CPAP: variants seen among roughly 807,000 people sequenced by gnomAD.
The protein encoded by CPAP is centrosome assembly and centriole elongation protein, also known as centrosomal P4.1-associated protein.
the CPAP span, among the ~76,000 whole-genome samples, chr13:24,925,168 G>A: frequency 1.3e-5 from 2 of 152,044 alleles, no homozygotes; most frequent in Non-Finnish European, 2.9e-5. Flanking sequence ...TGGAGACAGG[G>A]GTCTCACTCT....
At chr13:24,910,540 T>C in the CPAP span, among the ~76,000 whole-genome samples, 1 of 152,240 alleles carries the variant, frequency 6.6e-6, no homozygotes, top group Non-Finnish European at 1.5e-5. Flanking sequence ...AAATTTCTAA[T>C]GCAGTAAGTT....
the CPAP span, chr13:24,889,428 T>TA: frequency 7.0e-7 from 1 of 1,429,336 alleles, no homozygotes; most frequent in East Asian, 2.3e-5. Context: ...ATTTTTTATT[T>TA]AAAATGAGTG....
At chr13:24,929,925 T>TA in the CPAP span, among the ~76,000 whole-genome samples, 2 of 137,252 alleles carry the variant, frequency 1.5e-5, no homozygotes, top group African/African-American at 2.8e-5. Flanking sequence ...TTTTTTTTTT[T>TA]AATGAGACAA....
chr13:24,908,711 G>A, the CPAP span, among the ~76,000 whole-genome samples: 5 of 152,072 alleles, frequency 3.3e-5, no homozygotes, highest in Non-Finnish European at 4.4e-5. Flanking sequence ...AGAATCAAAC[G>A]TAATACATGA....
chr13:24,897,063 C>CT, the CPAP span, among the ~76,000 whole-genome samples: 3 of 152,072 alleles, frequency 2.0e-5, no homozygotes, highest in Admixed American at 6.5e-5. Flanking sequence ...AAAAAACACT[C>CT]TAAGAATTGC....
chr13:24,892,798 G>A, the CPAP span: 5 of 1,613,386 alleles, frequency 3.1e-6, no homozygotes, highest in Middle Eastern at 1.6e-4. Context: ...AGACGGCTGT[G>A]TGTACTTGAC....
chr13:24,925,806 G>A, the CPAP span: 1 of 152,688 alleles, frequency 6.5e-6, no homozygotes, highest in African/African-American at 2.4e-5. Flanking sequence ...TAGGTACCAG[G>A]AAGCATAGGG....
chr13:24,893,452 A>C, the CPAP span, among the ~76,000 whole-genome samples: 1 of 152,362 alleles, frequency 6.6e-6, no homozygotes, highest in Middle Eastern at 3.4e-3. Context: ...GGAGCAGGGC[A>C]CCGAAGCCCA....
At chr13:24,882,404 A>G in the CPAP span, 1 of 152,038 alleles carries the variant, frequency 6.6e-6, no homozygotes, top group Admixed American at 6.6e-5. Context: ...GTAATTATTT[A>G]TTATATAAAT....
the CPAP span, chr13:24,903,800 G>T: frequency 9.1e-7 from 1 of 1,104,712 alleles, no homozygotes; most frequent in Non-Finnish European, 1.4e-6. Context: ...ATATGATACA[G>T]ATTTCACCTC....
the CPAP span, among the ~76,000 whole-genome samples, chr13:24,916,792 T>G: frequency 6.6e-6 from 1 of 152,150 alleles, no homozygotes; most frequent in Non-Finnish European, 1.5e-5. Context: ...AAAGTAAATG[T>G]CCATTAACAG....
the CPAP span, among the ~76,000 whole-genome samples, chr13:24,896,108 G>A: frequency 1.3e-5 from 2 of 152,068 alleles, no homozygotes; most frequent in South Asian, 2.1e-4. Context: ...AGGTAAATAC[G>A]GGGAACTATG....
At chr13:24,886,114 A>C in the CPAP span, 1 of 400,192 alleles carries the variant, frequency 2.5e-6, no homozygotes, top group South Asian at 1.9e-5. Flanking sequence ...AGCAACATAT[A>C]CATTACAAAA....
chr13:24,893,385 AGCAATTCGAGATCACGT>A, the CPAP span, among the ~76,000 whole-genome samples: 7 of 152,266 alleles, frequency 4.6e-5, no homozygotes. Flanking sequence ...AATGTCTAGA[AGCAATTCGAGATCACGT>A]GCAGCTGCAA....
the CPAP span, chr13:24,906,542 T>C: frequency 6.2e-7 from 1 of 1,614,110 alleles, no homozygotes; most frequent in Admixed American, 1.7e-5. Flanking sequence ...ATTTTCTTTA[T>C]TATTAGATGT....
chr13:24,884,431 A>G, the CPAP span: 1 of 1,614,132 alleles, frequency 6.2e-7, no homozygotes, highest in Non-Finnish European at 8.5e-7. Flanking sequence ...GAAACAGTAT[A>G]ACACGGCACC....
chr13:24,905,131 G>T, the CPAP span, among the ~76,000 whole-genome samples: 1 of 152,186 alleles, frequency 6.6e-6, no homozygotes, highest in Non-Finnish European at 1.5e-5. Context: ...AGGAAACGTA[G>T]AAGCTTTGAT....
the CPAP span, among the ~76,000 whole-genome samples, chr13:24,888,671 G>A: frequency 2.0e-5 from 3 of 152,182 alleles, no homozygotes; most frequent in Non-Finnish European, 4.4e-5. Flanking sequence ...TCCTAGAGAA[G>A]CCACAGGATC....
At chr13:24,896,699 T>C in the CPAP span, among the ~76,000 whole-genome samples, 1 of 152,230 alleles carries the variant, frequency 6.6e-6, no homozygotes, top group African/African-American at 2.4e-5. Context: ...ATCAGAGCTA[T>C]GAGAAAGAGA....
Sources: gnomAD v4.1 joint callset for allele counts (sites outside exome capture counted in the v4.1 genomes callset) on GRCh38, gnomAD v4.1.1 for gene constraint, MANE v1.5 for transcripts, NCBI Gene and HGNC (gene_info 2026-07-23, HGNC 2026-07-21) for gene names.